The following L3MBTL4 variants were observed in gnomAD, a reference collection of about 807,000 sequenced individuals.
L3MBTL4 encodes the protein lethal(3)malignant brain tumor-like protein 4.
L3MBTL4 carries 70 observed loss-of-function variants against 84.5 expected under a neutral mutation model. That is an observed-to-expected ratio of 0.83 (90% CI 0.68 to 1.01). The LOEUF is 1.01. Among genes scored for constraint, L3MBTL4 ranks in the 50% least tolerant of loss-of-function variants. The probability of loss-of-function intolerance (pLI) is 0.00; values close to 1 mark genes in which losing one functional copy is unlikely to be tolerated. For missense variants in L3MBTL4, 715 were observed against 754.8 expected (o/e 0.95, Z 0.62); for synonymous variants, 274 against 259.8 (o/e 1.05, Z -0.52).
At chr18:6,274,497 T>C (rs1236575495) in intron 4 of L3MBTL4, among the ~76,000 whole-genome samples, 4 of 152,200 alleles carry the variant, frequency 2.6e-5, no homozygotes, top group Non-Finnish European at 4.4e-5. Context: ...TTGAGCAAGC[T>C]TGAGTGATTT....
At chr18:6,321,489 T>C (rs957370513) in intron 1 of L3MBTL4, among the ~76,000 whole-genome samples, 8 of 152,170 alleles carry the variant, frequency 5.3e-5, no homozygotes, top group African/African-American at 1.7e-4. Flanking sequence ...ACAACCTCTA[T>C]GGAAAACACT....
intron 1 of L3MBTL4, among the ~76,000 whole-genome samples, chr18:6,337,348 A>G (rs1319690001): frequency 6.6e-6 from 1 of 152,166 alleles, no homozygotes; most frequent in Non-Finnish European, 1.5e-5. Flanking sequence ...TTCACAGTGT[A>G]CTTATAATAA....
chr18:6,083,218 AGG>A (rs2058139603), intron 15 of L3MBTL4, among the ~76,000 whole-genome samples: 1 of 152,220 alleles, frequency 6.6e-6, no homozygotes, highest in South Asian at 2.1e-4. Context: ...GGGAAGTCAC[AGG>A]CAGAGACTTG....
chr18:6,166,757 C>T (rs954387395), intron 13 of L3MBTL4, among the ~76,000 whole-genome samples: 4 of 151,892 alleles, frequency 2.6e-5, no homozygotes, highest in African/African-American at 9.7e-5. Context: ...CCTAACATAA[C>T]AATTAAAAGA....
intron 14 of L3MBTL4, among the ~76,000 whole-genome samples, chr18:6,106,359 G>T (rs2059006841): frequency 6.6e-6 from 1 of 152,212 alleles, no homozygotes; most frequent in Non-Finnish European, 1.5e-5. Context: ...GGTATTGGTG[G>T]TTGTATATGG....
chr18:6,244,470 A>G lies in L3MBTL4; in HGVS notation c.324+14T>C, dbSNP rs1398031305. ...ACTAGGCAATTAGCCCAAGACAGTA[A>G]CACCACCTCTTACCTCCGCTACAGA... On this transcript the variant is annotated intron_variant, in intron 6 of 18. Coordinates refer to ENST00000317931, the MANE Select transcript of L3MBTL4 (RefSeq NM_001330559.2). The G allele has an allele frequency of 6.4e-7, 1 of 1,552,928 alleles. No individual in the cohort carries two copies. Among genetic ancestry groups the G allele is most frequent in the East Asian group, 2.2e-5 (1 of 44,534 alleles).
chr18:6,047,812 G>A (rs969910075), intron 16 of L3MBTL4, among the ~76,000 whole-genome samples: 15 of 152,132 alleles, frequency 9.9e-5, no homozygotes, highest in Non-Finnish European at 1.5e-4. Context: ...GCGAAAGCTG[G>A]AAGCTGGAAG....
intron 12 of L3MBTL4, among the ~76,000 whole-genome samples, chr18:6,180,681 G>T (rs187686370): frequency 6.6e-6 from 1 of 152,228 alleles, no homozygotes. Flanking sequence ...GTTTCTTAAA[G>T]CAGTGTTTTT....
intron 14 of L3MBTL4, among the ~76,000 whole-genome samples, chr18:6,124,173 G>A (rs1238115218): frequency 4.6e-5 from 7 of 152,072 alleles, no homozygotes; most frequent in Admixed American, 2.6e-4. Flanking sequence ...GGGACAGGAC[G>A]AAGAATGGAA....
At chr18:6,223,952 A>G (rs2046669056) in intron 10 of L3MBTL4, among the ~76,000 whole-genome samples, 1 of 152,198 alleles carries the variant, frequency 6.6e-6, no homozygotes, top group Non-Finnish European at 1.5e-5. Flanking sequence ...GCGGTTCGAT[A>G]TACTAGTTAG....
intron 15 of L3MBTL4, among the ~76,000 whole-genome samples, chr18:6,091,352 G>A (rs535663997): frequency 6.6e-6 from 1 of 152,202 alleles, no homozygotes; most frequent in Admixed American, 6.5e-5. Context: ...GATTGGTTAG[G>A]AAAAAAAGTG....
intron 16 of L3MBTL4, among the ~76,000 whole-genome samples, chr18:5,993,704 C>A (rs1169369949): frequency 2.0e-5 from 3 of 151,894 alleles, no homozygotes; most frequent in East Asian, 3.9e-4. Flanking sequence ...AATCATTATA[C>A]AATTATGTTG....
chr18:6,004,060 A>C, intron 16 of L3MBTL4, among the ~76,000 whole-genome samples: 1 of 152,224 alleles, frequency 6.6e-6, no homozygotes, highest in Non-Finnish European at 1.5e-5. Context: ...AGAGGAGAAA[A>C]ATAAAAGAGA....
intron 1 of L3MBTL4, among the ~76,000 whole-genome samples, chr18:6,346,738 A>G (rs2052924278): frequency 6.6e-6 from 1 of 152,118 alleles, no homozygotes; most frequent in South Asian, 2.1e-4. Context: ...CTTGTATACA[A>G]TTGGTGGGAA....
At chr18:6,294,124 G>T (rs980740476) in intron 4 of L3MBTL4, among the ~76,000 whole-genome samples, 5 of 152,092 alleles carry the variant, frequency 3.3e-5, no homozygotes, top group African/African-American at 1.2e-4. Flanking sequence ...TGTATCGGGG[G>T]TGATGAGGTA....
At chr18:6,361,039 G>C (rs78092613) in intron 1 of L3MBTL4, among the ~76,000 whole-genome samples, 1 of 139,292 alleles carries the variant, frequency 7.2e-6, no homozygotes, top group Non-Finnish European at 1.5e-5. Context: ...AAAAAAAAAA[G>C]ATACTGGGTA....
At chr18:6,225,832 TA>T (rs944919094) in intron 10 of L3MBTL4, among the ~76,000 whole-genome samples, 57 of 146,804 alleles carry the variant, frequency 3.9e-4, no homozygotes, top group East Asian at 7.9e-4. Context: ...AGTGACACCT[TA>T]AAAAAAAAAT....
intron 14 of L3MBTL4, among the ~76,000 whole-genome samples, chr18:6,101,849 T>G (rs1315117581): frequency 6.6e-6 from 1 of 152,232 alleles, no homozygotes; most frequent in Non-Finnish European, 1.5e-5. Context: ...CATTATTTCT[T>G]TCTTCCTTTC....
chr18:6,287,249 G>A (rs1246620262), intron 4 of L3MBTL4, among the ~76,000 whole-genome samples: 2 of 151,966 alleles, frequency 1.3e-5, no homozygotes, highest in African/African-American at 4.8e-5. Context: ...TAAACAGGCT[G>A]TTTTTCTTTA....
Sources: allele counts gnomAD v4.1 joint callset (sites outside exome capture counted in the v4.1 genomes callset), GRCh38; gene constraint gnomAD v4.1.1; transcripts MANE v1.5; gene names NCBI Gene and HGNC (gene_info 2026-07-23, HGNC 2026-07-21).